Variants in LRRC75A observed in about 807,000 individuals in gnomAD.
LRRC75A encodes the protein leucine-rich repeat-containing protein 75A.
In LRRC75A, 12 loss-of-function variants were observed where a neutral mutation model predicts 26.0. That is an observed-to-expected ratio of 0.46 (90% CI 0.30 to 0.75). The LOEUF is 0.75. Among genes scored for constraint, LRRC75A ranks in the 30% least tolerant of loss-of-function variants. LRRC75A has a pLI of 0.08. For missense variants in LRRC75A, 410 were observed against 486.6 expected (o/e 0.84, Z 1.48); for synonymous variants, 223 against 219.3 (o/e 1.02, Z -0.15).
At chr17:16,459,351 G>A (rs531099502) in intron 2 of LRRC75A, among the ~76,000 whole-genome samples, 30 of 152,208 alleles carry the variant, frequency 2.0e-4, no homozygotes, top group Non-Finnish European at 2.8e-4. Flanking sequence ...GCTTGTCAAC[G>A]AAGGCCTCTC....
intron 1 of LRRC75A, among the ~76,000 whole-genome samples, chr17:16,485,125 T>A (rs967940555): frequency 6.6e-6 from 1 of 152,110 alleles, no homozygotes; most frequent in African/African-American, 2.4e-5. Flanking sequence ...CCAGCCCTTC[T>A]AGTAATGGTG....
intron 2 of LRRC75A, among the ~76,000 whole-genome samples, chr17:16,454,461 G>T (rs376312214): frequency 1.3e-5 from 2 of 151,758 alleles, no homozygotes; most frequent in African/African-American, 4.8e-5. Flanking sequence ...GGAGGCAGAG[G>T]GGGGCGGATC....
chr17:16,454,403 A>G (rs2093659792), intron 2 of LRRC75A, among the ~76,000 whole-genome samples: 1 of 128,806 alleles, frequency 7.8e-6, no homozygotes, highest in Admixed American at 8.1e-5. Context: ...AAACAAACAA[A>G]CAAACAGGCC....
chr17:16,444,263 C>T, intron 3 of LRRC75A, 132 bp from the exon 4 acceptor site: 1 of 740,482 alleles, frequency 1.4e-6, no homozygotes, highest in East Asian at 2.7e-5. Context: ...TGTCGGATGC[C>T]ACAAGTGCAG....
chr17:16,474,253 C>A (rs1455659316), intron 1 of LRRC75A, among the ~76,000 whole-genome samples: 1 of 152,184 alleles, frequency 6.6e-6, no homozygotes, highest in Non-Finnish European at 1.5e-5. Flanking sequence ...TCCCCACCTA[C>A]AAATGAGAAG....
At chr17:16,482,422 C>T (rs888579867) in intron 1 of LRRC75A, among the ~76,000 whole-genome samples, 2 of 152,146 alleles carry the variant, frequency 1.3e-5, no homozygotes, top group African/African-American at 4.8e-5. Context: ...AGGTCCCTGG[C>T]ATGCTCTGGG....
chr17:16,476,732 A>ATTTT (rs1170298700), intron 1 of LRRC75A, among the ~76,000 whole-genome samples: 1 of 75,516 alleles, frequency 1.3e-5, no homozygotes, highest in Non-Finnish European at 2.3e-5. Flanking sequence ...TGCCTGGCTG[A>ATTTT]TTTTTTTTTT....
At chr17:16,466,806 A>G (rs2093773078) in intron 1 of LRRC75A, among the ~76,000 whole-genome samples, 1 of 152,146 alleles carries the variant, frequency 6.6e-6, no homozygotes, top group Non-Finnish European at 1.5e-5. Context: ...ATAGGGGTGC[A>G]TGTTTCCAAA....
intron 3 of LRRC75A, 149 bp from the exon 4 acceptor site, chr17:16,444,280 G>A: frequency 1.5e-6 from 1 of 656,106 alleles, no homozygotes; most frequent in Non-Finnish European, 2.5e-6. Context: ...GCAGAGGTGG[G>A]AGCAACCAGG....
At chr17:16,450,521 T>TACACCTGTCACTCCTGTGTGTC (rs1185254513) in intron 2 of LRRC75A, among the ~76,000 whole-genome samples, 1 of 152,094 alleles carries the variant, frequency 6.6e-6, no homozygotes, top group African/African-American at 2.4e-5. Flanking sequence ...ACCTGTGTGT[T>TACACCTGTCACTCCTGTGTGTC]ACACCTGTCA....
Position 16,443,507 on chromosome 17 carries a change from TGATAGGAGAA to T in LRRC75A, c.*71_*80del. On this transcript the variant is annotated 3_prime_UTR_variant, in exon 4 of 4. Transcript: ENST00000470794. ...TTTTTGGCAATATCCTTAACCCACC[TGATAGGAGAA>T]GCGCCCTCCCCTGCCTGCCTTGCCC... 2 of 1,333,918 alleles carry T rather than the reference TGATAGGAGAA, an allele frequency of 1.5e-6. No individual in the cohort carries two copies. The highest frequency in any genetic ancestry group is 2.0e-6 in the Non-Finnish European group (2 of 1,004,564). The allele number at this position is 1,333,918 out of a possible 1,614,324, so 82.6% of individuals were successfully genotyped here. A position where few individuals can be genotyped will look rare whatever the true frequency, so the allele number is the denominator to read the frequency against.
At chr17:16,450,433 C>T (rs79993500) in intron 2 of LRRC75A, among the ~76,000 whole-genome samples, 1 of 101,454 alleles carries the variant, frequency 9.9e-6, no homozygotes, top group Non-Finnish European at 2.2e-5. Context: ...AGCCCATCCC[C>T]ACCCCTGCCC....
At position 16,492,039 on chromosome 17, in the gene LRRC75A, C is replaced by T; in HGVS notation, c.-49G>A. On this transcript the variant is annotated 5_prime_UTR_variant, in exon 1 of 4. Coordinates refer to ENST00000470794, the MANE Select transcript of LRRC75A (RefSeq NM_001113567.3). ...TCCGCTCTGGGCCGCGAGGCCGCGT[C>T]CCCGCCAACCGCCCGCCCCTCGGCC... The T allele has an allele frequency of 9.0e-7, 1 of 1,109,308 alleles. No homozygotes were observed. Among genetic ancestry groups the T allele is most frequent in the Non-Finnish European group, 1.1e-6 (1 of 911,722 alleles). The allele number at this position is 1,109,308 out of a possible 1,614,324, so 68.7% of individuals were successfully genotyped here.
chr17:16,476,954 G>T (rs576623365), intron 1 of LRRC75A, among the ~76,000 whole-genome samples: 1 of 151,426 alleles, frequency 6.6e-6, no homozygotes, highest in East Asian at 2.0e-4. Flanking sequence ...TAGCCAGGAT[G>T]GTCTCAATCT....
chr17:16,487,774 C>T (rs181324348), intron 1 of LRRC75A, among the ~76,000 whole-genome samples: 1 of 152,174 alleles, frequency 6.6e-6, no homozygotes, highest in East Asian at 1.9e-4. Context: ...GGTTCCTGTT[C>T]CCAGGTGCAG....
chr17:16,464,908 C>T (rs1329725916), intron 1 of LRRC75A, among the ~76,000 whole-genome samples: 1 of 152,250 alleles, frequency 6.6e-6, no homozygotes, highest in Non-Finnish European at 1.5e-5. Context: ...CTCAGAGGGC[C>T]TGTGTGGTCA....
rs1404347022 is a variant in LRRC75A at position 16,491,454 on chromosome 17, G to A, written c.246+291C>T. 6.6e-6 allele frequency among the ~76,000 whole-genome samples: 1 copy of A among 152,176 alleles called. No homozygotes were observed. The highest frequency in any genetic ancestry group is 1.5e-5 in the Non-Finnish European group (1 of 68,026). On this transcript the variant is annotated intron_variant, in intron 1 of 3. Coordinates refer to ENST00000470794, the MANE Select transcript of LRRC75A (RefSeq NM_001113567.3). This position sits in a 1 kb window ranked among gnomAD's most constrained non-coding sequence, Gnocchi z 5.9. The stretch of plus-strand genomic sequence containing the variant: ...GCTTCCCCGCCCACCGACTGTCCCC[G>A]GAGACCAGCCTCCTTCTCTGCCTGC...
intron 2 of LRRC75A, among the ~76,000 whole-genome samples, chr17:16,455,705 A>G (rs563876259): frequency 6.6e-6 from 1 of 152,294 alleles, no homozygotes; most frequent in Admixed American, 6.5e-5. Flanking sequence ...TATTATTAAT[A>G]ACCCCGCTTT....
In LRRC75A at chr17:16,453,711, G is replaced by A. The variant is rs901827593; in HGVS notation, c.376-5751C>T. On this transcript the variant is annotated intron_variant, in intron 2 of 3. Coordinates refer to ENST00000470794, the MANE Select transcript of LRRC75A (RefSeq NM_001113567.3). Reference sequence around the variant, plus strand: ...TCAGAACACAATTCCAAAGCATGGCGCCGGGGCCAGCAGAGAGCTTTGAAC... The same window carrying A: ...TCAGAACACAATTCCAAAGCATGGCACCGGGGCCAGCAGAGAGCTTTGAAC... Among the ~76,000 whole-genome samples the A allele has an allele frequency of 4.6e-5, 7 of 152,112 alleles. No homozygotes were observed. In the South Asian group the frequency reaches 8.3e-4, roughly 18 times the overall value.
Sources: gnomAD v4.1 joint callset for allele counts (sites outside exome capture counted in the v4.1 genomes callset) on GRCh38, gnomAD v4.1.1 for gene constraint, Gnocchi (gnomAD v3.1) non-coding constraint, MANE v1.5 for transcripts, NCBI Gene and HGNC (gene_info 2026-07-23, HGNC 2026-07-21) for gene names.